The following CREB5 variants were observed in gnomAD, a reference collection of about 807,000 sequenced individuals.
The protein encoded by CREB5 is cyclic AMP-responsive element-binding protein 5.
CREB5 carries 19 observed loss-of-function variants against 57.1 expected under a neutral mutation model. The ratio of observed to expected loss-of-function variants is 0.33; its 90% CI spans 0.23 to 0.49. CREB5 has a LOEUF of 0.49. Among genes scored for constraint, CREB5 ranks in the 20% least tolerant of loss-of-function variants. The probability of loss-of-function intolerance (pLI) is 0.99; values close to 1 mark genes in which losing one functional copy is unlikely to be tolerated. For synonymous variants in CREB5, 238 were observed against 238.3 expected (o/e 1.00, Z 0.01); for missense variants, 579 against 671.6 (o/e 0.86, Z 1.52).
intron 5 of CREB5, 31 bp downstream of exon 5, chr7:28,570,568 C>T (rs778367926): frequency 6.2e-7 from 1 of 1,604,210 alleles, no homozygotes; most frequent in African/African-American, 1.3e-5. Context: ...GCCCCTGGGT[C>T]CTGGCTGGAA....
chr7:28,808,707 T>G (rs1808901847), intron 8 of CREB5, among the ~76,000 whole-genome samples: 2 of 141,974 alleles, frequency 1.4e-5, no homozygotes, highest in African/African-American at 5.3e-5. Flanking sequence ...CCTGGCCAAT[T>G]TTTCCTTTTT....
intron 1 of CREB5, among the ~76,000 whole-genome samples, chr7:28,450,415 A>G (rs577029235): frequency 3.2e-4 from 48 of 152,368 alleles, no homozygotes; most frequent in Middle Eastern, 3.4e-3. Context: ...CTAAACTGCC[A>G]TTTGGATGCT....
chr7:28,736,577 G>T lies in CREB5; in HGVS notation c.702+12245G>T, dbSNP rs371378832. On this transcript the variant is annotated intron_variant, in intron 7 of 10. Coordinates refer to ENST00000357727, the MANE Select transcript of CREB5 (RefSeq NM_182898.4). ...TAGACAAATGAACTGACGTACAGGG[G>T]ACAGTGCCCAGGATCATTTAGCCAG... 3.3e-4 allele frequency among the ~76,000 whole-genome samples: 51 copies of T among 152,244 alleles called. 1 individual carries two copies. In the South Asian group the frequency reaches 0.01, roughly 31 times the overall value.
chr7:28,365,335 T>C (rs527671293), intron 1 of CREB5, among the ~76,000 whole-genome samples: 1 of 152,282 alleles, frequency 6.6e-6, no homozygotes, highest in South Asian at 2.1e-4. Flanking sequence ...CCTTCCTTCT[T>C]ACTACAATGG....
intron 1 of CREB5, among the ~76,000 whole-genome samples, chr7:28,300,945 G>C (rs1217733817): frequency 6.6e-6 from 1 of 152,094 alleles, no homozygotes; most frequent in Non-Finnish European, 1.5e-5. Flanking sequence ...TCAGAGACTG[G>C]GTTTGGGGTC....
intron 7 of CREB5, among the ~76,000 whole-genome samples, chr7:28,770,148 GCCATGAGGAAGGGGAGCC>G (rs1343600651): frequency 4.6e-5 from 7 of 152,348 alleles, no homozygotes; most frequent in Non-Finnish European, 8.8e-5. Context: ...GAAAAAGTGA[GCCATGAGGAAGGGGAGCC>G]GGTGGAGAAA....
chr7:28,425,834 C>T (rs979884707), intron 1 of CREB5, among the ~76,000 whole-genome samples: 4 of 152,184 alleles, frequency 2.6e-5, no homozygotes, highest in East Asian at 1.9e-4. Flanking sequence ...TTGACATTTT[C>T]CAACTGCGCC....
Position 28,592,486 on chromosome 7 carries a change from G to A in CREB5, c.464+21949G>A, listed in dbSNP as rs1407027308. 5.3e-5 allele frequency among the ~76,000 whole-genome samples: 8 copies of A among 152,110 alleles called. No individual in the cohort carries two copies. In the East Asian group the frequency reaches 1.5e-3, roughly 29 times the overall value. On this transcript the variant is annotated intron_variant, in intron 5 of 10. Coordinates refer to ENST00000357727, the MANE Select transcript of CREB5 (RefSeq NM_182898.4). ...TAGAAGGTGTATTTAAATCTTGAAG[G>A]GATTTTGGATGAGGGAGCAAGGGGG... is the stretch of plus-strand genomic sequence containing the variant.
At chr7:28,495,228 T>C (rs1453519199) in intron 3 of CREB5, among the ~76,000 whole-genome samples, 1 of 152,180 alleles carries the variant, frequency 6.6e-6, no homozygotes, top group Non-Finnish European at 1.5e-5. Context: ...CTTGGCTCTA[T>C]ATAAGTTGTT....
chr7:28,761,684 A>G (rs4722843), intron 7 of CREB5, among the ~76,000 whole-genome samples: 59,836 of 151,708 alleles, frequency 0.39, 12,166 homozygotes, highest in East Asian at 0.75. Flanking sequence ...AGAGAGTCCA[A>G]ATTCTTTCCT....
intron 1 of CREB5, among the ~76,000 whole-genome samples, chr7:28,357,391 A>C (rs1786367636): frequency 6.6e-6 from 1 of 152,132 alleles, no homozygotes; most frequent in Non-Finnish European, 1.5e-5. Flanking sequence ...ATCAGGTTGG[A>C]CCTGCCCATA....
chr7:28,817,996 T>A, intron 9 of CREB5, 75 bp from the exon 10 acceptor site: 1 of 1,050,496 alleles, frequency 9.5e-7, no homozygotes, highest in Non-Finnish European at 1.4e-6. Flanking sequence ...CCAGTTTTGT[T>A]GTTGAAAGTG....
intron 1 of CREB5, among the ~76,000 whole-genome samples, chr7:28,403,800 G>A (rs1787524783): frequency 6.6e-6 from 1 of 152,064 alleles, no homozygotes; most frequent in Non-Finnish European, 1.5e-5. Context: ...AAGTGCCACC[G>A]AAGATAATAA....
chr7:28,707,848 C>A lies in CREB5; in HGVS notation c.465-10905C>A, dbSNP rs574815380. ...ACCATTCTCAGATTATAGTAATTTG[C>A]AACTTTGAAGATCATCATCATTATC... is the stretch of plus-strand genomic sequence containing the variant. On this transcript the variant is annotated intron_variant, in intron 5 of 10. Coordinates refer to ENST00000357727, the MANE Select transcript of CREB5 (RefSeq NM_182898.4). Among the ~76,000 whole-genome samples the A allele has an allele frequency of 3.0e-4, 45 of 152,214 alleles. 1 individual carries two copies. Among genetic ancestry groups the A allele is most frequent in the Admixed American group, 2.0e-4 (3 of 15,278 alleles).
At chr7:28,574,102 G>A (rs949926190) in intron 5 of CREB5, among the ~76,000 whole-genome samples, 8 of 152,204 alleles carry the variant, frequency 5.3e-5, no homozygotes, top group African/African-American at 1.9e-4. Flanking sequence ...ACTGGCAGAC[G>A]CTCTGCCGGG....
chr7:28,680,646 C>G (rs1456027478), intron 5 of CREB5, among the ~76,000 whole-genome samples: 1 of 151,936 alleles, frequency 6.6e-6, no homozygotes, highest in Non-Finnish European at 1.5e-5. Flanking sequence ...GTAGTTCCAG[C>G]TACTCAGAAG....
At chr7:28,651,632 C>T (rs1374806909) in intron 5 of CREB5, among the ~76,000 whole-genome samples, 1 of 152,108 alleles carries the variant, frequency 6.6e-6, no homozygotes, top group Non-Finnish European at 1.5e-5. Flanking sequence ...TCAACTTTTC[C>T]TGGTCCTCTT....
intron 6 of CREB5, among the ~76,000 whole-genome samples, chr7:28,719,283 C>A (rs1270453554): frequency 6.6e-6 from 1 of 152,240 alleles, no homozygotes; most frequent in East Asian, 1.9e-4. Flanking sequence ...AATGATCATA[C>A]ATAATAGCTG....
chr7:28,554,778 C>G (rs1294829485), intron 4 of CREB5, among the ~76,000 whole-genome samples: 6 of 152,166 alleles, frequency 3.9e-5, no homozygotes, highest in Non-Finnish European at 5.9e-5. Flanking sequence ...TTTAAGTGAC[C>G]CTTTATTTGG....
Sources: gnomAD v4.1 joint callset for allele counts (sites outside exome capture counted in the v4.1 genomes callset) on GRCh38, gnomAD v4.1.1 for gene constraint, MANE v1.5 for transcripts, NCBI Gene and HGNC (gene_info 2026-07-23, HGNC 2026-07-21) for gene names.